RBFOX1: variants seen among roughly 807,000 people sequenced by gnomAD.
RBFOX1 encodes the protein RNA binding fox-1 homolog 1, also known as RNA binding protein fox-1 homolog 1.
RBFOX1 carries 8 observed loss-of-function variants against 57.7 expected under a neutral mutation model. The ratio of observed to expected loss-of-function variants is 0.14; its 90% CI spans 0.08 to 0.25. The LOEUF (loss-of-function observed/expected upper bound fraction) is 0.25. Among genes scored for constraint, RBFOX1 ranks in the 10% least tolerant of loss-of-function variants. RBFOX1 has a pLI of 1.00. For missense variants in RBFOX1, 611 were observed against 548.5 expected (o/e 1.11, Z -1.14); for synonymous variants, 326 against 222.4 (o/e 1.47, Z -4.15).
intron 3 of RBFOX1, among the ~76,000 whole-genome samples, chr16:6,678,854 A>T (rs1383586987): frequency 6.6e-6 from 1 of 152,078 alleles, no homozygotes; most frequent in Non-Finnish European, 1.5e-5. Context: ...GGCTGGGTAG[A>T]TGGGTGGTTT....
chr16:5,981,326 GA>G (rs1011013235), intron 4 of RBFOX1, among the ~76,000 whole-genome samples: 1 of 152,198 alleles, frequency 6.6e-6, no homozygotes, highest in African/African-American at 2.4e-5. Context: ...AGCCCCTGGG[GA>G]CACAGGTTCT....
rs572277781 is a variant in RBFOX1 at position 6,591,086 on chromosome 16, G to A, written c.-63-63517G>A. Among the ~76,000 whole-genome samples the A allele has an allele frequency of 3.3e-5, 5 of 152,238 alleles. No homozygotes were observed. The East Asian group carries it at 9.7e-4, about 29-fold the overall frequency. ...ATAGCTTATGTGTATTAAGTGCTGTGATTATTCTTAGATTTCTTTGTCTAA... is the reference window on the plus strand; with the variant it reads ...ATAGCTTATGTGTATTAAGTGCTGTAATTATTCTTAGATTTCTTTGTCTAA... On this transcript the variant is annotated intron_variant, in intron 2 of 15. Transcript: ENST00000550418.
At chr16:6,452,741 G>A (rs2094662620) in intron 2 of RBFOX1, among the ~76,000 whole-genome samples, 1 of 152,196 alleles carries the variant, frequency 6.6e-6, no homozygotes, top group Non-Finnish European at 1.5e-5. Flanking sequence ...CTGCTTTAAA[G>A]TGGATCCTTG....
intron 4 of RBFOX1, among the ~76,000 whole-genome samples, chr16:6,003,107 G>A (rs566258258): frequency 1.7e-4 from 26 of 152,084 alleles, no homozygotes; most frequent in African/African-American, 2.9e-4. Flanking sequence ...GTGAAACCCC[G>A]TCTCTACTAA....
chr16:6,713,820 T>C (rs754929), intron 3 of RBFOX1, among the ~76,000 whole-genome samples: 1,890 of 152,264 alleles, frequency 0.012, 22 homozygotes, highest in Middle Eastern at 0.031. Flanking sequence ...TTTTTAGACT[T>C]CTCCCAGGTA....
intron 3 of RBFOX1, among the ~76,000 whole-genome samples, chr16:6,962,760 A>T (rs2083293105): frequency 6.6e-6 from 1 of 152,078 alleles, no homozygotes; most frequent in Non-Finnish European, 1.5e-5. Flanking sequence ...GCTACCTTAG[A>T]AGGCTGAGGT....
intron 4 of RBFOX1, among the ~76,000 whole-genome samples, chr16:7,484,047 C>G (rs774951002): frequency 6.6e-6 from 1 of 152,142 alleles, no homozygotes; most frequent in Non-Finnish European, 1.5e-5. Context: ...AGCTTTCTGT[C>G]CCTGTTGTTT....
At chr16:6,139,960 G>A (rs1209805935) in intron 1 of RBFOX1, among the ~76,000 whole-genome samples, 1 of 152,176 alleles carries the variant, frequency 6.6e-6, no homozygotes, top group Non-Finnish European at 1.5e-5. Flanking sequence ...TGAGAGCAGA[G>A]GAAGGAACTG....
rs184135549 is a variant in RBFOX1 at position 7,141,440 on chromosome 16, A to C, written c.27+89342A>C. 9.2e-5 allele frequency among the ~76,000 whole-genome samples: 14 copies of C among 151,864 alleles called. No individual in the cohort carries two copies. The East Asian group carries it at 2.1e-3, about 23-fold the overall frequency. ...ACCTTATCGCATGATTGTTAATCCA[A>C]GTTCTCAGGTGTGCTCTAAGGGGAA... On this transcript the variant is annotated intron_variant, in intron 4 of 15. Transcript: ENST00000550418.
chr16:7,263,202 C>T (rs536547739), intron 4 of RBFOX1, among the ~76,000 whole-genome samples: 7 of 152,150 alleles, frequency 4.6e-5, no homozygotes, highest in Admixed American at 1.3e-4. Flanking sequence ...ATGGCAGAGC[C>T]GTGAGTTACT....
intron 3 of RBFOX1, among the ~76,000 whole-genome samples, chr16:5,800,830 A>G (rs528693833): frequency 1.6e-4 from 24 of 152,248 alleles, no homozygotes; most frequent in African/African-American, 5.8e-4. Context: ...ATCACAGACA[A>G]GCCTCTCTGT....
At chr16:5,477,110 C>T (rs1162753259) in intron 2 of RBFOX1, among the ~76,000 whole-genome samples, 2 of 152,150 alleles carry the variant, frequency 1.3e-5, no homozygotes, top group African/African-American at 4.8e-5. Flanking sequence ...ACCTCCTGGG[C>T]TCAGGCGATA....
At chr16:7,561,434 A>G (rs1164464032) in intron 5 of RBFOX1, among the ~76,000 whole-genome samples, 1 of 152,224 alleles carries the variant, frequency 6.6e-6, no homozygotes, top group Non-Finnish European at 1.5e-5. Flanking sequence ...ATTTCCGAAC[A>G]TATATTTACT....
chr16:7,438,837 A>C (rs747563680), intron 4 of RBFOX1, among the ~76,000 whole-genome samples: 2 of 152,184 alleles, frequency 1.3e-5, no homozygotes, highest in Non-Finnish European at 2.9e-5. Context: ...CAACCACGCC[A>C]AGCAGCTTGT....
In RBFOX1 at chr16:6,009,816, C is replaced by CTGTGTGTG. The variant is rs148472437; in HGVS notation, c.351+142493_351+142500dup. Among the ~76,000 whole-genome samples the CTGTGTGTG allele has an allele frequency of 1.9e-4, 28 of 148,530 alleles. No homozygotes were observed. In the East Asian group the frequency reaches 2.4e-3, roughly 13 times the overall value. On this transcript the variant is annotated intron_variant, in intron 4 of 19. Coordinates refer to the RBFOX1 transcript ENST00000641259. ...GCAGTGTGTGTATGTGTGTGTGTGT[C>CTGTGTGTG]TGTGTGTGTGTGTGTGTGTATAGGG...
chr16:6,184,603 A>C (rs2097092984), intron 1 of RBFOX1, among the ~76,000 whole-genome samples: 1 of 152,218 alleles, frequency 6.6e-6, no homozygotes, highest in Non-Finnish European at 1.5e-5. Context: ...TCTTTTGCCC[A>C]GGCTGGAGTG....
chr16:6,728,741 C>A (rs550291346), intron 3 of RBFOX1, among the ~76,000 whole-genome samples: 1 of 152,132 alleles, frequency 6.6e-6, no homozygotes, highest in Non-Finnish European at 1.5e-5. Context: ...AGAAGAAACA[C>A]GGTGTCTCCT....
At chr16:6,277,542 C>T (rs2075950130) in intron 1 of RBFOX1, among the ~76,000 whole-genome samples, 3 of 149,250 alleles carry the variant, frequency 2.0e-5, no homozygotes, top group Non-Finnish European at 3.0e-5. Context: ...GAGGCTAAGG[C>T]AGAAGGATCG....
intron 3 of RBFOX1, among the ~76,000 whole-genome samples, chr16:5,759,444 A>C (rs768274379): frequency 2.6e-5 from 4 of 152,214 alleles, no homozygotes; most frequent in Admixed American, 6.5e-5. Context: ...ATGTGTTGAC[A>C]CATTGACAGA....
Sources: gnomAD v4.1 joint callset for allele counts (sites outside exome capture counted in the v4.1 genomes callset) on GRCh38, gnomAD v4.1.1 for gene constraint, MANE v1.5 for transcripts, NCBI Gene and HGNC (gene_info 2026-07-23, HGNC 2026-07-21) for gene names.